Variants in TANC1 observed in about 807,000 individuals in gnomAD.
TANC1 encodes the protein protein TANC1.
TANC1 carries 77 observed loss-of-function variants against 149.7 expected under a neutral mutation model. The ratio of observed to expected loss-of-function variants is 0.51; its 90% confidence interval spans 0.43 to 0.62. The LOEUF (loss-of-function observed/expected upper bound fraction) is 0.62. TANC1 is among the 20% of genes least tolerant of loss of function. TANC1 has a pLI of 0.00. For missense variants in TANC1, 1,985 were observed against 2,321.8 expected (o/e 0.85, Z 2.98); for synonymous variants, 854 against 925.0 (o/e 0.92, Z 1.39).
intron 4 of TANC1, among the ~76,000 whole-genome samples, chr2:159,127,425 A>G (rs1218360376): frequency 6.6e-6 from 1 of 152,248 alleles, no homozygotes. Context: ...ATCTAGAACC[A>G]GAAATACCAT....
chr2:158,995,090 G>A (rs1039740734), intron 1 of TANC1, among the ~76,000 whole-genome samples: 11 of 152,220 alleles, frequency 7.2e-5, no homozygotes, highest in Admixed American at 6.5e-5. Context: ...ATGGGTGTAA[G>A]ATACCTATGC....
intron 4 of TANC1, among the ~76,000 whole-genome samples, chr2:159,119,437 T>A (rs1394887969): frequency 1.3e-5 from 2 of 152,070 alleles, no homozygotes; most frequent in African/African-American, 2.4e-5. Flanking sequence ...CAGTTGGTTT[T>A]AAAAAAAATC....
intron 5 of TANC1, among the ~76,000 whole-genome samples, chr2:159,142,583 C>T (rs946057756): frequency 6.6e-6 from 1 of 152,116 alleles, no homozygotes; most frequent in Non-Finnish European, 1.5e-5. Context: ...TCTGCATGCT[C>T]GGAAGTCTGA....
At chr2:159,105,144 A>T (rs1296175051) in intron 4 of TANC1, among the ~76,000 whole-genome samples, 5 of 148,664 alleles carry the variant, frequency 3.4e-5, no homozygotes, top group Non-Finnish European at 7.5e-5. Flanking sequence ...ACAGGCGCCC[A>T]CCACCACGCC....
At chr2:159,167,429 A>G (rs957007729) in intron 8 of TANC1, among the ~76,000 whole-genome samples, 6 of 152,224 alleles carry the variant, frequency 3.9e-5, no homozygotes, top group African/African-American at 1.4e-4. Context: ...TATACACCCT[A>G]CTTATGAAGG....
At chr2:159,190,008 T>C (rs900650010) in intron 16 of TANC1, among the ~76,000 whole-genome samples, 6 of 152,180 alleles carry the variant, frequency 3.9e-5, no homozygotes, top group Non-Finnish European at 7.3e-5. Flanking sequence ...ATGACATCTT[T>C]AGGAAACCTC....
At chr2:159,122,406 G>A (rs2048938706) in intron 4 of TANC1, among the ~76,000 whole-genome samples, 1 of 152,070 alleles carries the variant, frequency 6.6e-6, no homozygotes, top group Non-Finnish European at 1.5e-5. Context: ...TATCATTGAA[G>A]TGGCCAGACC....
At chr2:159,185,968 A>G in intron 15 of TANC1, 69 bp downstream of exon 15, 1 of 1,206,312 alleles carries the variant, frequency 8.3e-7, no homozygotes, top group Non-Finnish European at 1.2e-6. Flanking sequence ...TGGAGATTTT[A>G]GACAGCTCTG....
chr2:159,132,447 G>A (rs2050197373), intron 4 of TANC1, among the ~76,000 whole-genome samples: 1 of 151,992 alleles, frequency 6.6e-6, no homozygotes. Flanking sequence ...CGAGTTAGGG[G>A]ACATGAGGAG....
At chr2:159,178,411 A>T in intron 13 of TANC1, 145 bp from the exon 14 acceptor site, 1 of 928,972 alleles carries the variant, frequency 1.1e-6, no homozygotes, top group Non-Finnish European at 1.6e-6. Context: ...TTATCCTATT[A>T]CACGTTTTAA....
chr2:159,145,223 C>T (rs1004189582), intron 5 of TANC1, among the ~76,000 whole-genome samples: 19 of 152,126 alleles, frequency 1.2e-4, no homozygotes, highest in Non-Finnish European at 1.5e-5. Context: ...TTTACAAAAA[C>T]CTATTTGAGG....
chr2:159,054,669 T>C (rs2041715379), intron 2 of TANC1, among the ~76,000 whole-genome samples: 1 of 152,214 alleles, frequency 6.6e-6, no homozygotes, highest in African/African-American at 2.4e-5. Flanking sequence ...TTAATTTCCT[T>C]AGGTTTATAA....
chr2:159,174,958 G>A lies in TANC1; in HGVS notation c.1509G>A (p.Val503=). 6.2e-7 allele frequency: 1 copy of A among 1,613,180 alleles called. No homozygotes were observed. The highest frequency in any genetic ancestry group is 8.5e-7 in the Non-Finnish European group (1 of 1,179,322). ...ACGGTTCTGCTTCCCCCTAGGTGGTGGCCTACCACTACTGCCAGGCTGACA... is the reference window on the plus strand; with the variant it reads ...ACGGTTCTGCTTCCCCCTAGGTGGTAGCCTACCACTACTGCCAGGCTGACA... The part of the protein sequence containing the change: ...DAVKYLASKV[V]AYHYCQADNT... Residue 503 remains valine, a synonymous_variant, in exon 12 of 27, where the codon GTG becomes GTA. Transcript: ENST00000263635.
At chr2:159,115,884 G>A (rs554039134) in intron 4 of TANC1, among the ~76,000 whole-genome samples, 1 of 152,246 alleles carries the variant, frequency 6.6e-6, no homozygotes, top group African/African-American at 2.4e-5. Flanking sequence ...TTGGTCCTGG[G>A]ATTCCAAGTA....
At chr2:159,106,808 C>T (rs420643) in intron 4 of TANC1, among the ~76,000 whole-genome samples, 49,233 of 151,838 alleles carry the variant, frequency 0.32, 8,629 homozygotes, top group East Asian at 0.63. Context: ...TTTCCAATTG[C>T]TTCATATCCT....
chr2:159,135,490 C>T (rs1050150826), intron 4 of TANC1, among the ~76,000 whole-genome samples: 6 of 152,234 alleles, frequency 3.9e-5, no homozygotes, highest in African/African-American at 1.2e-4. Flanking sequence ...TTTTCCAAAA[C>T]GGCTGCATCA....
At chr2:159,110,512 A>G (rs944835524) in intron 4 of TANC1, among the ~76,000 whole-genome samples, 2 of 152,202 alleles carry the variant, frequency 1.3e-5, no homozygotes, top group Non-Finnish European at 2.9e-5. Context: ...ATGGGGTTTC[A>G]CCATGTTGCA....
intron 4 of TANC1, among the ~76,000 whole-genome samples, chr2:159,099,497 CA>C (rs758306801): frequency 2.0e-4 from 28 of 137,932 alleles, no homozygotes; most frequent in East Asian, 4.2e-4. Flanking sequence ...GTATATTGAC[CA>C]AAAAAAAAAA....
chr2:159,230,784 T>G lies in TANC1; in HGVS notation c.5358T>G (p.Ser1786=), dbSNP rs377661350. 7.4e-6 allele frequency: 12 copies of G among 1,614,236 alleles called. No individual in the cohort carries two copies. The highest frequency in any genetic ancestry group is 1.0e-5 in the Non-Finnish European group (12 of 1,180,046). Residue 1786 remains serine, a synonymous_variant, in exon 27 of 27, where the codon TCT becomes TCG. Transcript: ENST00000263635. This position sits in a 1 kb window ranked among gnomAD's most constrained non-coding sequence, Gnocchi z 4.4. ...GGYNNQAKTC[S]VSTLSASVHN... is the part of the protein sequence containing the mutation. The stretch of plus-strand genomic sequence containing the variant: ...ATAATAACCAAGCCAAAACCTGTTC[T>G]GTTTCTACCCTGAGTGCAAGTGTCC...
Sources: allele counts gnomAD v4.1 joint callset (sites outside exome capture counted in the v4.1 genomes callset), GRCh38; gene constraint gnomAD v4.1.1; non-coding constraint Gnocchi (gnomAD v3.1); transcripts MANE v1.5; gene names NCBI Gene and HGNC (gene_info 2026-07-23, HGNC 2026-07-21).